TRAPPC9: variants seen among roughly 807,000 people sequenced by gnomAD.
TRAPPC9 encodes IKK2 binding protein.
A neutral mutation model predicts 124.0 loss-of-function variants in TRAPPC9; 83 were observed. The ratio of observed to expected loss-of-function variants is 0.67; its 90% CI spans 0.56 to 0.80. The LOEUF (loss-of-function observed/expected upper bound fraction) is 0.80. Among genes scored for constraint, TRAPPC9 ranks in the 30% least tolerant of loss-of-function variants. The pLI is 0.00. For synonymous variants in TRAPPC9, 638 were observed against 617.5 expected (o/e 1.03, Z -0.49); for missense variants, 1,302 against 1,508.3 (o/e 0.86, Z 2.27).
chr8:140,045,535 G>T (rs1841528277), intron 17 of TRAPPC9, among the ~76,000 whole-genome samples: 1 of 147,334 alleles, frequency 6.8e-6, no homozygotes, highest in African/African-American at 2.5e-5. Flanking sequence ...GGTGAGGCAG[G>T]AGAATCACTT....
chr8:140,189,059 CAAAT>C (rs942859594), intron 17 of TRAPPC9, among the ~76,000 whole-genome samples: 71 of 152,346 alleles, frequency 4.7e-4, no homozygotes, highest in African/African-American at 1.6e-3. Flanking sequence ...ATACCATACA[CAAAT>C]ATTGTTTTTC....
At chr8:140,374,092 G>A (rs1296894971) in intron 7 of TRAPPC9, among the ~76,000 whole-genome samples, 2 of 152,176 alleles carry the variant, frequency 1.3e-5, no homozygotes, top group African/African-American at 4.8e-5. Flanking sequence ...ATCTTTGCCC[G>A]AGGTCACAAA....
intron 5 of TRAPPC9, among the ~76,000 whole-genome samples, chr8:140,407,428 G>T (rs967532768): frequency 6.6e-6 from 1 of 151,772 alleles, no homozygotes; most frequent in Non-Finnish European, 1.5e-5. Flanking sequence ...ATGGTGGGGG[G>T]GGGCGGGTCA....
intron 19 of TRAPPC9, among the ~76,000 whole-genome samples, chr8:139,918,320 C>T (rs1832278068): frequency 1.3e-5 from 2 of 152,232 alleles, no homozygotes; most frequent in Admixed American, 1.3e-4. Flanking sequence ...ACTCTGCTTC[C>T]TCGATCTGTC....
At chr8:140,356,343 C>G (rs1220753205) in intron 9 of TRAPPC9, among the ~76,000 whole-genome samples, 1 of 152,172 alleles carries the variant, frequency 6.6e-6, no homozygotes, top group Non-Finnish European at 1.5e-5. Context: ...TTCTCAGTGC[C>G]GTCATCAAAA....
At chr8:140,360,021 A>G (rs757604315) in intron 9 of TRAPPC9, 29 bp downstream of exon 9, 1 of 1,614,044 alleles carries the variant, frequency 6.2e-7, no homozygotes, top group Admixed American at 1.7e-5. Flanking sequence ...GTTCCTTGAA[A>G]AAAAACATTG....
At chr8:140,186,726 A>G (rs2062362799) in intron 17 of TRAPPC9, among the ~76,000 whole-genome samples, 1 of 152,236 alleles carries the variant, frequency 6.6e-6, no homozygotes, top group African/African-American at 2.4e-5. Context: ...AAGCAAGTAG[A>G]AAAACAGGAA....
intron 19 of TRAPPC9, among the ~76,000 whole-genome samples, chr8:139,983,431 A>T (rs752983940): frequency 6.9e-6 from 1 of 144,722 alleles, no homozygotes; most frequent in East Asian, 2.3e-4. Flanking sequence ...CCCCAGTCCT[A>T]GGCCCCCCTC....
chr8:140,019,123 T>C (rs1839662490), intron 18 of TRAPPC9, among the ~76,000 whole-genome samples: 2 of 152,268 alleles, frequency 1.3e-5, no homozygotes, highest in African/African-American at 4.8e-5. Flanking sequence ...GATCTTTCAA[T>C]GGTAAAACAA....
chr8:140,452,482 G>T (rs1050955860), intron 1 of TRAPPC9, among the ~76,000 whole-genome samples: 1 of 150,514 alleles, frequency 6.6e-6, no homozygotes, highest in Admixed American at 6.6e-5. Context: ...ACTGTATCTA[G>T]ATTGAGGAGG....
At chr8:140,064,518 G>A (rs1315597280) in intron 17 of TRAPPC9, among the ~76,000 whole-genome samples, 6 of 152,198 alleles carry the variant, frequency 3.9e-5, no homozygotes, top group Admixed American at 3.9e-4. Context: ...TGGAAGGCAG[G>A]AAAGATATTA....
intron 15 of TRAPPC9, among the ~76,000 whole-genome samples, chr8:140,268,388 C>T (rs1472503414): frequency 1.3e-5 from 2 of 152,130 alleles, no homozygotes; most frequent in African/African-American, 4.8e-5. Flanking sequence ...AGGAATTACT[C>T]CCTTTGTGTA....
rs182651470 is a variant in TRAPPC9 at position 140,048,921 on chromosome 8, C to A, written c.2557-24842G>T. 2.0e-5 allele frequency among the ~76,000 whole-genome samples: 3 copies of A among 152,280 alleles called. No individual in the cohort carries two copies. In the South Asian group the frequency reaches 6.2e-4, roughly 32 times the overall value. ...AAGGCAGGAATCAGGTGTCATTAAT[C>A]TTTATACCCTCGGTGCCCGGAACAC... On this transcript the variant is annotated intron_variant, in intron 17 of 22. Transcript: ENST00000438773.
intron 9 of TRAPPC9, among the ~76,000 whole-genome samples, chr8:140,343,062 T>C (rs965723968): frequency 1.3e-5 from 2 of 152,202 alleles, no homozygotes; most frequent in Non-Finnish European, 2.9e-5. Context: ...AATAACACAT[T>C]ATTGTTTTAA....
intron 17 of TRAPPC9, among the ~76,000 whole-genome samples, chr8:140,075,212 C>T (rs574014277): frequency 2.6e-5 from 4 of 152,198 alleles, no homozygotes; most frequent in East Asian, 3.9e-4. Context: ...ATGGAGTTAC[C>T]GACACCTACC....
intron 17 of TRAPPC9, among the ~76,000 whole-genome samples, chr8:140,124,202 G>C (rs141164956): frequency 6.6e-6 from 1 of 152,360 alleles, no homozygotes; most frequent in Non-Finnish European, 1.5e-5. Context: ...CTAGAGGTCA[G>C]AAGCCTGCAC....
intron 9 of TRAPPC9, among the ~76,000 whole-genome samples, chr8:140,312,064 T>C (rs555141411): frequency 3.7e-4 from 57 of 152,352 alleles, no homozygotes; most frequent in African/African-American, 1.3e-3. Flanking sequence ...CAGGCACTCC[T>C]GTCCCCACTT....
At position 140,058,481 on chromosome 8, in the gene TRAPPC9, C is replaced by T. The variant is rs577855494; in HGVS notation, c.2557-34402G>A. On this transcript the variant is annotated intron_variant, in intron 17 of 22. Coordinates refer to ENST00000438773, the MANE Select transcript of TRAPPC9 (RefSeq NM_001160372.4). ...ATTCATCCCTTCAGCCTCTTTTGCT[C>T]GCTAGAGACCTCTGGGCCTGGGCTA... 3.5e-4 allele frequency among the ~76,000 whole-genome samples: 54 copies of T among 152,284 alleles called. 1 individual carries two copies. Among genetic ancestry groups the T allele is most frequent in the South Asian group, 1.9e-3 (9 of 4,824 alleles).
chr8:139,899,232 G>A (rs564563830), intron 20 of TRAPPC9, among the ~76,000 whole-genome samples: 8 of 151,450 alleles, frequency 5.3e-5, no homozygotes, highest in Non-Finnish European at 8.8e-5. Context: ...CTACACAGTC[G>A]AAAATCCACA....
Sources: gnomAD v4.1 joint callset for allele counts (sites outside exome capture counted in the v4.1 genomes callset) on GRCh38, gnomAD v4.1.1 for gene constraint, MANE v1.5 for transcripts, NCBI Gene and HGNC (gene_info 2026-07-23, HGNC 2026-07-21) for gene names.